The following RABGAP1L variants were observed in gnomAD, a reference collection of about 807,000 sequenced individuals.
The protein encoded by RABGAP1L is rab GTPase-activating protein 1-like.
RABGAP1L carries 63 observed loss-of-function variants against 137.7 expected under a neutral mutation model. That is an observed-to-expected ratio of 0.46 (90% CI 0.37 to 0.56). RABGAP1L has a LOEUF of 0.56. RABGAP1L is among the 20% of genes least tolerant of loss of function. The pLI, the probability that RABGAP1L is intolerant of heterozygous loss-of-function variation, is 0.00. For missense variants in RABGAP1L, 1,095 were observed against 1,244.0 expected (o/e 0.88, Z 1.80); for synonymous variants, 431 against 433.7 (o/e 0.99, Z 0.08).
At chr1:174,989,531 CATTT>C (rs1448275177) in intron 25 of RABGAP1L, among the ~76,000 whole-genome samples, 1 of 152,184 alleles carries the variant, frequency 6.6e-6, no homozygotes, top group African/African-American at 2.4e-5. Context: ...CATATGTTTA[CATTT>C]ATTTGTGGTT....
At chr1:174,349,389 C>T (rs1323808097) in intron 11 of RABGAP1L, among the ~76,000 whole-genome samples, 3 of 134,674 alleles carry the variant, frequency 2.2e-5, no homozygotes, top group African/African-American at 5.7e-5. Flanking sequence ...CCGGACGGGG[C>T]GGCTGGCCGG....
chr1:174,498,673 T>TA (rs1660967788), intron 13 of RABGAP1L, among the ~76,000 whole-genome samples: 1 of 150,868 alleles, frequency 6.6e-6, no homozygotes, highest in Admixed American at 6.6e-5. Flanking sequence ...AATTTTTTTT[T>TA]TTTTTTTTTG....
At chr1:174,248,766 T>C (rs1163423517) in intron 5 of RABGAP1L, among the ~76,000 whole-genome samples, 6 of 152,192 alleles carry the variant, frequency 3.9e-5, no homozygotes, top group Admixed American at 3.9e-4. Context: ...GTATTCCTGT[T>C]TCAAGCAAGT....
intron 5 of RABGAP1L, among the ~76,000 whole-genome samples, 178 bp from the exon 6 acceptor site, chr1:174,250,297 A>G (rs1672614443): frequency 6.6e-6 from 1 of 152,098 alleles, no homozygotes; most frequent in Admixed American, 6.6e-5. Flanking sequence ...TGCACAAGTG[A>G]TGAAAATGTT....
intron 13 of RABGAP1L, among the ~76,000 whole-genome samples, chr1:174,632,988 G>A (rs988565249): frequency 1.3e-5 from 2 of 152,058 alleles, no homozygotes; most frequent in African/African-American, 4.8e-5. Flanking sequence ...AGAGTTTCCA[G>A]TTTTTCTGTT....
At chr1:174,444,729 A>G (rs532555466) in intron 13 of RABGAP1L, among the ~76,000 whole-genome samples, 42 of 152,140 alleles carry the variant, frequency 2.8e-4, no homozygotes, top group Non-Finnish European at 5.3e-4. Context: ...TTGTTGGCAT[A>G]TATATTTTTC....
In RABGAP1L at chr1:174,799,383, C is replaced by T. The variant is rs530998511; in HGVS notation, c.2212-12449C>T. 1.4e-3 allele frequency among the ~76,000 whole-genome samples: 213 copies of T among 152,246 alleles called. 1 individual carries two copies. Among genetic ancestry groups the T allele is most frequent in the South Asian group, 4.3e-3 (21 of 4,828 alleles). On this transcript the variant is annotated intron_variant, in intron 18 of 25. Coordinates refer to ENST00000681986, the MANE Select transcript of RABGAP1L (RefSeq NM_001366446.1). ...TTACCCTAATACCTCTCTTCTGTAG[C>T]GGTTTCAGTCATCTAATAAGGATTG...
At chr1:174,827,676 C>CT (rs1691722521) in intron 19 of RABGAP1L, among the ~76,000 whole-genome samples, 1 of 29,380 alleles carries the variant, frequency 3.4e-5, no homozygotes. Context: ...CTAAAAGATC[C>CT]TATTTTTTTT....
intron 13 of RABGAP1L, among the ~76,000 whole-genome samples, chr1:174,620,174 C>G (rs949239900): frequency 6.6e-6 from 1 of 152,112 alleles, no homozygotes; most frequent in Non-Finnish European, 1.5e-5. Flanking sequence ...GACTCCCACA[C>G]AATAATAATG....
At chr1:174,881,599 A>G (rs1654228030) in intron 19 of RABGAP1L, among the ~76,000 whole-genome samples, 1 of 146,190 alleles carries the variant, frequency 6.8e-6, no homozygotes, top group African/African-American at 2.6e-5. Context: ...TCCTGGGTTC[A>G]AGCAATTCTT....
In RABGAP1L at chr1:174,877,630, C is replaced by T. The variant is rs779863554; in HGVS notation, c.2340+65670C>T. The T allele has an allele frequency of 5.6e-6, 9 of 1,600,516 alleles. No individual in the cohort carries two copies. The East Asian group carries it at 2.0e-4, about 36-fold the overall frequency. The stretch of plus-strand genomic sequence containing the variant: ...GGTAGGTGGTGCCTTGCACACTACT[C>T]TGGTTCTGTATTTTCTTTTCTAACA... On this transcript the variant is annotated intron_variant, in intron 19 of 25. Coordinates refer to ENST00000681986, the MANE Select transcript of RABGAP1L (RefSeq NM_001366446.1).
At chr1:174,723,249 A>G (rs1047809067) in intron 17 of RABGAP1L, among the ~76,000 whole-genome samples, 4 of 151,868 alleles carry the variant, frequency 2.6e-5, no homozygotes, top group African/African-American at 4.8e-5. Flanking sequence ...TCATTTTTGT[A>G]TTTTTAGTAG....
chr1:174,758,422 A>T (rs1558050704), intron 18 of RABGAP1L, among the ~76,000 whole-genome samples: 1 of 151,216 alleles, frequency 6.6e-6, no homozygotes, highest in Non-Finnish European at 1.5e-5. Flanking sequence ...ATTTATTTTT[A>T]TTTTTTTTAA....
Position 174,238,058 on chromosome 1 carries a change from C to T in RABGAP1L, c.543-3425C>T, listed in dbSNP as rs1003635276. ...GCTGATACCCTTTCTTCCAGTTGAT[C>T]GCATCGGCTCCTGAGGCTTCTGCAT... On this transcript the variant is annotated intron_variant, in intron 4 of 25. Coordinates refer to ENST00000681986, the MANE Select transcript of RABGAP1L (RefSeq NM_001366446.1). Among the ~76,000 whole-genome samples, 38 of 152,162 alleles carry T rather than the reference C, an allele frequency of 2.5e-4. 1 individual carries two copies. The highest frequency in any genetic ancestry group is 2.2e-3 in the Admixed American group (33 of 15,288).
intron 9 of RABGAP1L, 26 bp from the exon 10 acceptor site, chr1:174,278,587 T>C: frequency 6.3e-7 from 1 of 1,585,826 alleles, no homozygotes; most frequent in Non-Finnish European, 8.6e-7. Flanking sequence ...AAAGCTCGCA[T>C]AAAACCCAGA....
chr1:174,819,187 T>TAAAAAAAAAAA (rs71299431), intron 19 of RABGAP1L, among the ~76,000 whole-genome samples: 1 of 44,874 alleles, frequency 2.2e-5, no homozygotes, highest in Non-Finnish European at 4.1e-5. Flanking sequence ...TGCCTGTCTC[T>TAAAAAAAAAAA]AAAAAAAAAA....
chr1:174,556,142 T>G (rs1666870002), intron 13 of RABGAP1L, among the ~76,000 whole-genome samples: 1 of 151,480 alleles, frequency 6.6e-6, no homozygotes. Context: ...GGATTAAAGG[T>G]GCCCGCCACT....
At chr1:174,714,573 T>C (rs1680846715) in intron 17 of RABGAP1L, among the ~76,000 whole-genome samples, 1 of 152,168 alleles carries the variant, frequency 6.6e-6, no homozygotes, top group Non-Finnish European at 1.5e-5. Context: ...GCTCTTGAGT[T>C]TTAAGAGGAA....
chr1:174,260,649 A>G (rs1673504802), intron 7 of RABGAP1L, among the ~76,000 whole-genome samples: 2 of 152,192 alleles, frequency 1.3e-5, no homozygotes, highest in African/African-American at 4.8e-5. Context: ...TGCCATTATT[A>G]TGGGTTTTGG....
Sources: allele counts gnomAD v4.1 joint callset (sites outside exome capture counted in the v4.1 genomes callset), GRCh38; gene constraint gnomAD v4.1.1; transcripts MANE v1.5; gene names NCBI Gene and HGNC (gene_info 2026-07-23, HGNC 2026-07-21).